MID1: variants seen among roughly 807,000 people sequenced by gnomAD.
MID1 encodes E3 ubiquitin-protein ligase Midline-1.
Under a neutral mutation model 40.4 loss-of-function variants are expected in MID1, and 7 were observed. That is an observed-to-expected ratio of 0.17 (90% confidence interval 0.10 to 0.33). The LOEUF is 0.33. MID1 is among the 10% of genes least tolerant of loss of function. MID1 has a pLI of 1.00. For missense variants in MID1, 367 were observed against 558.5 expected (o/e 0.66, Z 3.46); for synonymous variants, 229 against 221.2 (o/e 1.04, Z -0.31).
chrX:10,664,970 A>T (rs776181295), intron 1 of MID1, among the ~76,000 whole-genome samples: 1 of 112,234 alleles, frequency 8.9e-6, no homozygotes, highest in Non-Finnish European at 1.9e-5. Flanking sequence ...TAAAACTTTA[A>T]GTTGCATCAA....
chrX:10,584,997 C>A (rs1230427924), intron 1 of MID1, among the ~76,000 whole-genome samples: 2 of 110,841 alleles, frequency 1.8e-5, no homozygotes, highest in Non-Finnish European at 3.8e-5. Context: ...GCAGGGGGTA[C>A]ATGACAGGGG....
intron 1 of MID1, among the ~76,000 whole-genome samples, chrX:10,790,684 G>A (rs1385055246): frequency 3.6e-5 from 4 of 111,056 alleles, no homozygotes; most frequent in African/African-American, 1.3e-4. Flanking sequence ...TCTCTCCTGT[G>A]TTCCCTTAAC....
chrX:10,729,487 A>T (rs1386730116), intron 1 of MID1, among the ~76,000 whole-genome samples: 1 of 112,120 alleles, frequency 8.9e-6, no homozygotes, highest in African/African-American at 3.2e-5. Context: ...AAAGGAAAAA[A>T]AATACACTTA....
intron 1 of MID1, among the ~76,000 whole-genome samples, chrX:10,689,702 T>G (rs937241654): frequency 4.5e-5 from 5 of 110,228 alleles, no homozygotes; most frequent in Non-Finnish European, 9.5e-5. Flanking sequence ...TGTAGATTTT[T>G]TTTTTTTTTA....
intron 8 of MID1, among the ~76,000 whole-genome samples, chrX:10,457,194 G>A (rs936358668): frequency 8.1e-5 from 9 of 111,796 alleles, no homozygotes; most frequent in Admixed American, 2.8e-4. Flanking sequence ...AGTTCTGCTC[G>A]GCCTCCTTCC....
intron 1 of MID1, among the ~76,000 whole-genome samples, chrX:10,604,535 G>C (rs1380891943): frequency 2.7e-5 from 3 of 111,825 alleles, no homozygotes; most frequent in Non-Finnish European, 3.8e-5. Context: ...AAATCTCAAA[G>C]CTGTATAGTT....
At chrX:10,780,330 C>A (rs1457125905) in intron 1 of MID1, among the ~76,000 whole-genome samples, 1 of 111,414 alleles carries the variant, frequency 9.0e-6, no homozygotes, top group African/African-American at 3.3e-5. Context: ...TTTCAAGTGT[C>A]CATTAGCTGA....
At chrX:10,758,397 T>C (rs1355918802) in intron 1 of MID1, among the ~76,000 whole-genome samples, 1 of 109,599 alleles carries the variant, frequency 9.1e-6, no homozygotes, top group East Asian at 2.8e-4. Flanking sequence ...TGTAGGCCAC[T>C]GACAAAGAGT....
intron 1 of MID1, among the ~76,000 whole-genome samples, chrX:10,825,472 C>T (rs1020719291): frequency 8.9e-6 from 1 of 112,121 alleles, no homozygotes; most frequent in African/African-American, 3.2e-5. Context: ...GCTAGAAAAA[C>T]GGAATGGCAA....
At chrX:10,609,866 C>T (rs1442860015) in intron 1 of MID1, among the ~76,000 whole-genome samples, 1 of 109,845 alleles carries the variant, frequency 9.1e-6, no homozygotes, top group East Asian at 2.8e-4. Flanking sequence ...TACAGGCGCC[C>T]GCCACCATGC....
intron 2 of MID1, among the ~76,000 whole-genome samples, chrX:10,560,380 G>A (rs1934287422): frequency 9.0e-6 from 1 of 111,210 alleles, no homozygotes; most frequent in African/African-American, 3.3e-5. Context: ...AGGGCAATCA[G>A]GCAAGAGAAA....
intron 2 of MID1, among the ~76,000 whole-genome samples, chrX:10,534,969 C>T (rs1000325689): frequency 1.8e-5 from 2 of 112,568 alleles, no homozygotes; most frequent in African/African-American, 6.4e-5. Context: ...TCATTGCATC[C>T]TTTGTCCCTG....
intron 1 of MID1, among the ~76,000 whole-genome samples, chrX:10,779,599 G>C (rs1291958598): frequency 1.8e-5 from 2 of 112,062 alleles, no homozygotes; most frequent in African/African-American, 6.5e-5. Flanking sequence ...ACATTGGATT[G>C]GACAATATGG....
At chrX:10,572,642 CAA>C (rs768797649) in intron 1 of MID1, among the ~76,000 whole-genome samples, 1 of 82,722 alleles carries the variant, frequency 1.2e-5, no homozygotes, top group Non-Finnish European at 2.4e-5. Context: ...TTCCATGCCT[CAA>C]AAAAAAAAAA....
chrX:10,562,136 C>T (rs1443946663), intron 2 of MID1, among the ~76,000 whole-genome samples: 2 of 105,180 alleles, frequency 1.9e-5, no homozygotes, highest in African/African-American at 3.8e-5. Context: ...AACCAAACAC[C>T]GCATGATCTC....
chrX:10,498,399 C>T (rs1163194572), intron 3 of MID1, among the ~76,000 whole-genome samples: 2 of 112,446 alleles, frequency 1.8e-5, no homozygotes, highest in Non-Finnish European at 1.9e-5. Flanking sequence ...CAAGAGTGTG[C>T]CACTGCACCT....
At chrX:10,653,575 C>T (rs112356363) in intron 1 of MID1, among the ~76,000 whole-genome samples, 1,443 of 112,548 alleles carry the variant, frequency 0.013, 33 homozygotes, top group African/African-American at 0.045. Flanking sequence ...CTTTCCTATA[C>T]ATCATTGGTC....
chrX:10,628,680 T>C (rs1164639018), intron 1 of MID1, among the ~76,000 whole-genome samples: 1 of 111,710 alleles, frequency 9.0e-6, no homozygotes, highest in Non-Finnish European at 1.9e-5. Context: ...TAAGGGAATT[T>C]AAAACCAGCT....
Position 10,540,117 on chromosome X carries a change from C to T in MID1, c.661-16930G>A, listed in dbSNP as rs746076036. The stretch of plus-strand genomic sequence containing the variant: ...TCAGGAGGCTGAGGCACAAGAATCG[C>T]TTGAACCTTGGAGGCAGAGGTTGCA... On this transcript the variant is annotated intron_variant, in intron 2 of 9. Transcript: ENST00000317552. 3.6e-5 allele frequency among the ~76,000 whole-genome samples: 4 copies of T among 112,151 alleles called. No individual in the cohort carries two copies. The South Asian group carries it at 1.5e-3, about 42-fold the overall frequency.
Sources: allele counts gnomAD v4.1 joint callset (sites outside exome capture counted in the v4.1 genomes callset), GRCh38; gene constraint gnomAD v4.1.1; transcripts MANE v1.5; gene names NCBI Gene and HGNC (gene_info 2026-07-23, HGNC 2026-07-21).